Variants in NID1 observed in about 807,000 individuals in gnomAD.
The protein encoded by NID1 is nidogen 1.
A neutral mutation model predicts 130.6 loss-of-function variants in NID1; 76 were observed. The observed-to-expected ratio is 0.58, with a 90% CI of 0.48 to 0.70. The LOEUF (loss-of-function observed/expected upper bound fraction) is 0.70, where lower values mean the gene tolerates loss of function less well. Among genes scored for constraint, NID1 ranks in the 30% least tolerant of loss-of-function variants. The pLI is 0.00. For missense variants in NID1, 1,517 were observed against 1,664.8 expected (o/e 0.91, Z 1.54); for synonymous variants, 665 against 675.1 (o/e 0.98, Z 0.23).
At chr1:236,042,365 A>G in intron 3 of NID1, 73 bp from the exon 4 acceptor site, 3 of 1,535,186 alleles carry the variant, frequency 2.0e-6, no homozygotes, top group Non-Finnish European at 2.6e-6. Context: ...AAGCAGAGGG[A>G]GCCCTGAGGA....
At chr1:236,004,034 A>C (rs1658164836) in intron 12 of NID1, among the ~76,000 whole-genome samples, 1 of 137,338 alleles carries the variant, frequency 7.3e-6, no homozygotes, top group African/African-American at 3.1e-5. Flanking sequence ...CTCTGTCTCA[A>C]AAAAAAAAAA....
At chr1:236,063,845 C>T (rs1367525224) in intron 1 of NID1, among the ~76,000 whole-genome samples, 1 of 152,192 alleles carries the variant, frequency 6.6e-6, no homozygotes, top group East Asian at 1.9e-4. Flanking sequence ...CACCAGTGTG[C>T]AAAGGGGCCA....
chr1:235,982,263 A>G (rs1657458265), intron 15 of NID1, among the ~76,000 whole-genome samples: 1 of 152,192 alleles, frequency 6.6e-6, no homozygotes, highest in Non-Finnish European at 1.5e-5. Context: ...GTATAAAGGA[A>G]GGCTGGATGG....
chr1:236,034,614 G>A (rs1408477251), intron 5 of NID1, among the ~76,000 whole-genome samples: 2 of 152,120 alleles, frequency 1.3e-5, no homozygotes, highest in Non-Finnish European at 2.9e-5. Flanking sequence ...GAAAGTAGGT[G>A]AGGGCTTGAC....
rs1391885293 is a variant in NID1, at chr1:236,032,608, C to A, written c.1330G>T (p.Val444Leu). 4.3e-6 allele frequency: 7 copies of A among 1,614,174 alleles called. No homozygotes were observed. In the East Asian group the frequency reaches 6.7e-5, roughly 15 times the overall value. The change falls in exon 6 of 20, where the codon GTG becomes TTG. Residue 444 changes from valine (V) to leucine (L), a missense_variant. Val to Leu is a conservative substitution (Grantham distance 32). Coordinates refer to ENST00000264187, the MANE Select transcript of NID1 (RefSeq NM_002508.3). ...VNGKVKGRIF[V>L]GSSQVPIVFE... ...ACAATGGGGACCTGGCTGCTCCCCA[C>A]AAAGATCCTTCCTTTCACCTTGCCA...
intron 1 of NID1, among the ~76,000 whole-genome samples, chr1:236,049,656 TG>T (rs1158370108): frequency 1.3e-4 from 20 of 152,188 alleles, no homozygotes; most frequent in Admixed American, 1.3e-3. Context: ...TAAAGTTTAA[TG>T]TGTCAGGATA....
At chr1:236,009,555 A>G (rs1468412572) in intron 12 of NID1, among the ~76,000 whole-genome samples, 1 of 152,212 alleles carries the variant, frequency 6.6e-6, no homozygotes, top group Non-Finnish European at 1.5e-5. Context: ...TTTCTTATGT[A>G]TGTACATAAC....
intron 12 of NID1, among the ~76,000 whole-genome samples, chr1:236,005,184 CA>C (rs1479460382): frequency 1.3e-5 from 2 of 150,722 alleles, no homozygotes; most frequent in African/African-American, 4.9e-5. Context: ...AGCAAACAAA[CA>C]AAAAAATGTA....
intron 9 of NID1, 102 bp from the exon 10 acceptor site, chr1:236,017,375 T>A: frequency 7.4e-7 from 1 of 1,348,994 alleles, no homozygotes; most frequent in Non-Finnish European, 1.0e-6. Context: ...AGATCAATTT[T>A]AAAACAAAAT....
chr1:236,062,503 G>A lies in NID1; in HGVS notation c.225+2352C>T, dbSNP rs1467388519. Among the ~76,000 whole-genome samples, 54 of 151,948 alleles carry A rather than the reference G, an allele frequency of 3.6e-4. 1 individual carries two copies. Among genetic ancestry groups the A allele is most frequent in the Non-Finnish European group, 1.5e-5 (1 of 67,990 alleles). ...TACAAAATTAGCCAGGCATGGTGGTGCGCGCCTGTAATCCCAGCTACTCGG... is the reference window on the plus strand; with the variant it reads ...TACAAAATTAGCCAGGCATGGTGGTACGCGCCTGTAATCCCAGCTACTCGG... On this transcript the variant is annotated intron_variant, in intron 1 of 19. Coordinates refer to ENST00000264187, the MANE Select transcript of NID1 (RefSeq NM_002508.3).
Position 235,980,657 on chromosome 1 carries a change from G to A in NID1, c.3228-4C>T. 6.2e-7 allele frequency: 1 copy of A among 1,609,662 alleles called. No homozygotes were observed. Among genetic ancestry groups the A allele is most frequent in the Non-Finnish European group, 8.5e-7 (1 of 1,178,320 alleles). ...CCAGTCTGTCCAGTAAAGGTTCCTG[G>A]AGGAGGAAAAAGGGGGGAAAGAGGA... On this transcript the variant is annotated splice_polypyrimidine_tract_variant and splice_region_variant and intron_variant, in intron 16 of 19. Coordinates refer to ENST00000264187, the MANE Select transcript of NID1 (RefSeq NM_002508.3).
In NID1 at chr1:236,012,006, G is replaced by A. The variant is rs781198964; in HGVS notation, c.2442C>T (p.Asp814=). The A allele has an allele frequency of 9.3e-6, 15 of 1,614,006 alleles. No homozygotes were observed. Among genetic ancestry groups the A allele is most frequent in the African/African-American group, 5.3e-5 (4 of 74,950 alleles). ...DECQPSRCHP[D]AFCYNTPGSF... is the part of the protein sequence containing the mutation. Reference sequence around the variant, plus strand: ...AGCCTGGAGTGTTGTAGCAGAAGGCGTCAGGGTGACATCGGCTTGGCTGGC... The same window carrying A: ...AGCCTGGAGTGTTGTAGCAGAAGGCATCAGGGTGACATCGGCTTGGCTGGC... Residue 814 remains aspartate (D), a synonymous_variant, in exon 12 of 20, where the codon GAC becomes GAT. Transcript: ENST00000264187.
In NID1 at chr1:235,990,926, G is replaced by C. The variant is rs770413790; in HGVS notation, c.2888C>G (p.Thr963Ser). 6 of 1,614,134 alleles carry C rather than the reference G, an allele frequency of 3.7e-6. No homozygotes were observed. The highest frequency in any genetic ancestry group is 3.3e-4 in the Middle Eastern group (2 of 6,062). ...CGCCTTTGCTTCTGTCTTCCTCATGGTATTTCCCTCCAGGGGCAGGCGCTC... is the reference window on the plus strand; with the variant it reads ...CGCCTTTGCTTCTGTCTTCCTCATGCTATTTCCCTCCAGGGGCAGGCGCTC... Reference protein sequence around the residue: ...KIERLPLEGNTMRKTEAKAFL... With the variant: ...KIERLPLEGNSMRKTEAKAFL... The change falls in exon 14 of 20, where the codon ACC becomes AGC. Residue 963 changes from threonine to serine, a missense_variant. By Grantham distance (58) the Thr-to-Ser change is moderately conservative (BLOSUM62 1). Around this residue, in one of 3 missense-constraint regions of NID1, gnomAD observed 1,329 missense variants for 1,429.2 expected, o/e 0.93. Coordinates refer to ENST00000264187, the MANE Select transcript of NID1 (RefSeq NM_002508.3).
At chr1:235,999,990 G>T (rs1434838544) in intron 12 of NID1, among the ~76,000 whole-genome samples, 2 of 152,070 alleles carry the variant, frequency 1.3e-5, no homozygotes, top group African/African-American at 4.8e-5. Flanking sequence ...GAGGCGGGTG[G>T]ATCACTTGAG....
intron 15 of NID1, among the ~76,000 whole-genome samples, chr1:235,982,188 C>A (rs1657456502): frequency 1.3e-5 from 2 of 152,108 alleles, no homozygotes; most frequent in African/African-American, 4.8e-5. Context: ...CCTGAAGGAC[C>A]AATAGCAGTT....
chr1:236,056,478 C>T (rs918596284), intron 1 of NID1, among the ~76,000 whole-genome samples: 1 of 152,202 alleles, frequency 6.6e-6, no homozygotes, highest in Non-Finnish European at 1.5e-5. Context: ...ATTTATCTTT[C>T]TTTGCATTGG....
Position 236,045,478 on chromosome 1 carries a change from T to G in NID1, c.731A>C (p.Glu244Ala). ...ATACTTGGCCAAATTTTCAACTGAT[T>G]CCCTGTCATTAGCAAATATGTTATA... The part of the protein sequence containing the change: ...GAYNIFANDR[E>A]SVENLAKSSN... Residue 244 changes from glutamate to alanine, a missense_variant, in exon 3 of 20, where the codon GAA becomes GCA. Coordinates refer to ENST00000264187, the MANE Select transcript of NID1 (RefSeq NM_002508.3). 6.2e-7 allele frequency: 1 copy of G among 1,614,064 alleles called. No homozygotes were observed. Among genetic ancestry groups the G allele is most frequent in the Admixed American group, 1.7e-5 (1 of 60,020 alleles).
chr1:236,001,888 C>T (rs900784119), intron 12 of NID1, among the ~76,000 whole-genome samples: 4 of 152,248 alleles, frequency 2.6e-5, no homozygotes, highest in African/African-American at 9.6e-5. Context: ...TGGCTCCCAG[C>T]TGCCTTCCTC....
chr1:236,041,509 A>C (rs1659449351), intron 4 of NID1, among the ~76,000 whole-genome samples: 1 of 152,250 alleles, frequency 6.6e-6, no homozygotes, highest in Non-Finnish European at 1.5e-5. Flanking sequence ...GTCAAAGATA[A>C]GCTTCATAGA....
Sources: gnomAD v4.1 joint callset for allele counts (sites outside exome capture counted in the v4.1 genomes callset) on GRCh38, gnomAD v4.1.1 for gene constraint, gnomAD v4.1.1 regional missense constraint, MANE v1.5 for transcripts, NCBI Gene and HGNC (gene_info 2026-07-23, HGNC 2026-07-21) for gene names.